Variants in CPM observed in about 807,000 individuals in gnomAD.
CPM encodes the protein renal carboxypeptidase.
In CPM, 35 loss-of-function variants were observed where a neutral mutation model predicts 46.4. The ratio of observed to expected loss-of-function variants is 0.75; its 90% CI spans 0.58 to 1.00. The LOEUF (loss-of-function observed/expected upper bound fraction) is 1.00, where lower values mean the gene tolerates loss of function less well. Among genes scored for constraint, CPM ranks in the 50% least tolerant of loss-of-function variants. The pLI is 0.00. For synonymous variants in CPM, 195 were observed against 195.3 expected, an observed-to-expected ratio of 1.00 and a Z score of 0.01; for missense variants, 422 against 530.4, an observed-to-expected ratio of 0.80 and a Z score of 2.01.
intron 2 of CPM, among the ~76,000 whole-genome samples, chr12:68,915,558 T>G (rs1144960): frequency 0.77 from 117,411 of 152,154 alleles, 45,607 homozygotes; most frequent in African/African-American, 0.88. Context: ...ACTTTACCAA[T>G]CACCCTGTAG....
At chr12:68,909,367 A>G (rs1228097837) in intron 2 of CPM, among the ~76,000 whole-genome samples, 1 of 152,078 alleles carries the variant, frequency 6.6e-6, no homozygotes, top group African/African-American at 2.4e-5. Flanking sequence ...TGCAACTTAA[A>G]ATGGAGATTT....
At chr12:68,863,310 C>T (rs541621908) in intron 7 of CPM, among the ~76,000 whole-genome samples, 2 of 152,316 alleles carry the variant, frequency 1.3e-5, no homozygotes, top group South Asian at 4.1e-4. Context: ...GACAGGGCCG[C>T]AGCAGGCAGG....
intron 2 of CPM, among the ~76,000 whole-genome samples, chr12:68,906,770 T>C (rs1462763420): frequency 6.6e-6 from 1 of 152,222 alleles, no homozygotes; most frequent in Non-Finnish European, 1.5e-5. Flanking sequence ...GGCGCCACTG[T>C]GGATTTTCAT....
At position 68,856,564 on chromosome 12, in the gene CPM, G is replaced by T; in HGVS notation, c.1205C>A (p.Ser402Tyr). 6.2e-7 allele frequency: 1 copy of T among 1,614,258 alleles called. No individual in the cohort carries two copies. Among genetic ancestry groups the T allele is most frequent in the South Asian group, 1.1e-5 (1 of 91,090 alleles). ...ILLPFQGQLDSIPVSNPSCPM... is the reference protein window; with the variant it reads ...ILLPFQGQLDYIPVSNPSCPM... ...GCATGAAGGATTTGATACTGGGATAGAATCCAATTGCCCTTGGAATGGAAG... is the reference window on the plus strand; with the variant it reads ...GCATGAAGGATTTGATACTGGGATATAATCCAATTGCCCTTGGAATGGAAG... The change falls in exon 9 of 9, where the codon TCT becomes TAT. Residue 402 changes from serine to tyrosine, a missense_variant. Physicochemically the swap from Ser to Tyr is moderately radical, Grantham distance 144 (BLOSUM62 -2). Transcript: ENST00000551568.
intron 3 of CPM, among the ~76,000 whole-genome samples, chr12:68,882,441 A>G (rs1031384365): frequency 1.3e-5 from 2 of 152,152 alleles, no homozygotes; most frequent in Non-Finnish European, 2.9e-5. Context: ...ATGTATATGT[A>G]CCATGTTTTC....
intron 2 of CPM, among the ~76,000 whole-genome samples, chr12:68,890,861 C>T (rs1055139244): frequency 2.0e-5 from 3 of 152,180 alleles, no homozygotes; most frequent in Non-Finnish European, 4.4e-5. Flanking sequence ...CTTGGGTGGC[C>T]CAGTCATTGG....
At chr12:68,958,197 A>G (rs999880905) in intron 1 of CPM, among the ~76,000 whole-genome samples, 2 of 152,076 alleles carry the variant, frequency 1.3e-5, no homozygotes, top group African/African-American at 2.4e-5. Flanking sequence ...AATCCTTTGG[A>G]TATATACCCA....
intron 2 of CPM, among the ~76,000 whole-genome samples, chr12:68,932,451 G>C (rs1360274439): frequency 6.6e-6 from 1 of 152,202 alleles, no homozygotes; most frequent in Non-Finnish European, 1.5e-5. Flanking sequence ...TAATGGAAAG[G>C]ACTCAGTGAC....
intron 7 of CPM, among the ~76,000 whole-genome samples, chr12:68,866,004 C>T (rs1940896819): frequency 6.6e-6 from 1 of 152,170 alleles, no homozygotes; most frequent in African/African-American, 2.4e-5. Context: ...CACTCTCTGC[C>T]ACATTTAGTC....
At chr12:68,949,311 C>A (rs1229267949) in intron 1 of CPM, among the ~76,000 whole-genome samples, 2 of 152,180 alleles carry the variant, frequency 1.3e-5, no homozygotes, top group African/African-American at 4.8e-5. Context: ...GTCAAGGCTG[C>A]AGTAAGCCGT....
rs779418018 is a variant in CPM at position 68,916,888 on chromosome 12, C to CAAAAA, written c.160+15785_160+15789dup. 2.3e-3 allele frequency among the ~76,000 whole-genome samples: 192 copies of CAAAAA among 82,130 alleles called. 4 individuals are homozygous for CAAAAA. Among genetic ancestry groups the CAAAAA allele is most frequent in the African/African-American group, 4.1e-3 (113 of 27,366 alleles). 53.9% of individuals were successfully genotyped at this position (82,130 alleles called of 152,430 possible). ...GGGTGACAGAGCGAGACTCTTGTCTCAAAAAAAAAAAAAAAAAAAGAGAGA... is the reference window on the plus strand; with the variant it reads ...GGGTGACAGAGCGAGACTCTTGTCTCAAAAAAAAAAAAAAAAAAAAAAAAGAGAGA... On this transcript the variant is annotated intron_variant, in intron 2 of 8. Transcript: ENST00000551568.
chr12:68,847,196 T>TTTTATATATATATATATATATATATATA (rs1884365281), downstream of CPM: 28 of 92,052 alleles, frequency 3.0e-4, no homozygotes, highest in Non-Finnish European at 4.6e-4. Context: ...TGTGTGTACA[T>TTTTATATATATATATATATATATATATA]TATATATATA....
Position 68,852,609 on chromosome 12 carries a change from T to C in CPM, c.*3828A>G, listed in dbSNP as rs946847657. The C allele has an allele frequency of 1.3e-5, 2 of 151,764 alleles. No individual in the cohort carries two copies. Among genetic ancestry groups the C allele is most frequent in the Admixed American group, 6.6e-5 (1 of 15,202 alleles). 9.4% of individuals were successfully genotyped at this position (151,764 alleles called of 1,614,324 possible). On this transcript the variant is annotated 3_prime_UTR_variant, in exon 9 of 9. Transcript: ENST00000551568. Reference sequence around the variant, plus strand: ...CTCTGTCACCCCGGCTGGAGTGCAGTGCAGTGATGTGATCTTGGCTCACTG... The same window carrying C: ...CTCTGTCACCCCGGCTGGAGTGCAGCGCAGTGATGTGATCTTGGCTCACTG...
chr12:68,849,083 AC>A (rs1884522025), downstream of CPM: 1 of 146,830 alleles, frequency 6.8e-6, no homozygotes, highest in African/African-American at 2.6e-5. Context: ...GTGTCCACTA[AC>A]GGTAGACCCT....
intron 2 of CPM, among the ~76,000 whole-genome samples, chr12:68,913,229 C>G (rs1422732482): frequency 1.3e-5 from 2 of 152,154 alleles, no homozygotes; most frequent in East Asian, 1.9e-4. Context: ...GATTCTGCCC[C>G]CTACTGTCCC....
chr12:68,905,997 A>T (rs186002782), intron 2 of CPM, among the ~76,000 whole-genome samples: 8 of 152,266 alleles, frequency 5.3e-5, no homozygotes, highest in African/African-American at 1.9e-4. Flanking sequence ...CCTTGCTGCA[A>T]GAACACCTTG....
chr12:68,886,504 C>T (rs1018876626), intron 2 of CPM, among the ~76,000 whole-genome samples: 3 of 151,994 alleles, frequency 2.0e-5, no homozygotes, highest in Admixed American at 6.6e-5. Flanking sequence ...TGGTGGCGGG[C>T]GCCTGTAGTC....
chr12:68,888,476 A>G (rs1415425034), intron 2 of CPM, among the ~76,000 whole-genome samples: 2 of 152,214 alleles, frequency 1.3e-5, no homozygotes, highest in African/African-American at 4.8e-5. Flanking sequence ...TATTCTTTGG[A>G]ATGACAGGCC....
At chr12:68,877,704 C>T (rs1360125028) in intron 3 of CPM, among the ~76,000 whole-genome samples, 1 of 144,360 alleles carries the variant, frequency 6.9e-6, no homozygotes, top group Non-Finnish European at 1.5e-5. Flanking sequence ...TTACTATCAC[C>T]TGAGGATAGT....
Sources: gnomAD v4.1 joint callset for allele counts (sites outside exome capture counted in the v4.1 genomes callset) on GRCh38, gnomAD v4.1.1 for gene constraint, MANE v1.5 for transcripts, NCBI Gene and HGNC (gene_info 2026-07-23, HGNC 2026-07-21) for gene names.